Variants in LDB2 observed in about 807,000 individuals in gnomAD.
LDB2 encodes LIM domain-binding protein 2.
In LDB2, 12 loss-of-function variants were observed where a neutral mutation model predicts 44.3. The ratio of observed to expected loss-of-function variants is 0.27; its 90% CI spans 0.17 to 0.44. The LOEUF (loss-of-function observed/expected upper bound fraction) is 0.44. Ranked by LOEUF, LDB2 falls within the 20% of genes least tolerant of loss-of-function variation. The pLI is 1.00. For missense variants in LDB2, 344 were observed against 473.5 expected (o/e 0.73, Z 2.54); for synonymous variants, 164 against 174.8 (o/e 0.94, Z 0.49).
intron 1 of LDB2, among the ~76,000 whole-genome samples, chr4:16,832,778 A>T (rs1784278523): frequency 6.6e-6 from 1 of 152,220 alleles, no homozygotes; most frequent in Admixed American, 6.5e-5. Flanking sequence ...GTAAGTACTA[A>T]GTACCACCAG....
intron 2 of LDB2, among the ~76,000 whole-genome samples, chr4:16,638,962 A>C (rs1241034163): frequency 1.3e-5 from 2 of 152,180 alleles, no homozygotes; most frequent in Non-Finnish European, 2.9e-5. Context: ...TTAAGAGGGA[A>C]ATTTAACATT....
intron 2 of LDB2, among the ~76,000 whole-genome samples, chr4:16,756,963 T>G (rs1261963588): frequency 6.6e-6 from 1 of 151,668 alleles, no homozygotes. Flanking sequence ...GGGATTTTTT[T>G]TTTTTAACAA....
intron 2 of LDB2, among the ~76,000 whole-genome samples, chr4:16,741,133 T>C (rs1432338003): frequency 2.0e-5 from 3 of 152,244 alleles, no homozygotes; most frequent in African/African-American, 7.2e-5. Flanking sequence ...GTTTGTCAGC[T>C]CCAGGGATGG....
rs532148116 is a variant in LDB2 at position 16,645,473 on chromosome 4, C to A, written c.236-49598G>T. Among the ~76,000 whole-genome samples the A allele has an allele frequency of 8.3e-3, 1,223 of 148,132 alleles. 14 individuals are homozygous for A. Among genetic ancestry groups the A allele is most frequent in the African/African-American group, 0.029 (1,171 of 40,218 alleles). On this transcript the variant is annotated intron_variant, in intron 2 of 7. Coordinates refer to ENST00000304523, the MANE Select transcript of LDB2 (RefSeq NM_001290.5). ...AATGGCGTGAACCCGGGAAGCGGAG[C>A]CTGCAGTGAGCCGAGATTGCGCCAC...
At chr4:16,676,516 G>A (rs1746380747) in intron 2 of LDB2, among the ~76,000 whole-genome samples, 1 of 152,238 alleles carries the variant, frequency 6.6e-6, no homozygotes, top group Admixed American at 6.5e-5. Flanking sequence ...AAGGCACAAT[G>A]TCAAGTGCTG....
At chr4:16,552,577 T>A (rs1012908052) in intron 5 of LDB2, among the ~76,000 whole-genome samples, 9 of 152,164 alleles carry the variant, frequency 5.9e-5, no homozygotes, top group Non-Finnish European at 1.3e-4. Flanking sequence ...TTCTCTTTTT[T>A]AATCCCATCC....
chr4:16,736,807 G>T (rs1343250968), intron 2 of LDB2, among the ~76,000 whole-genome samples: 3 of 151,872 alleles, frequency 2.0e-5, no homozygotes, highest in Non-Finnish European at 4.4e-5. Flanking sequence ...ATATCAACAG[G>T]GACCTCTTCA....
intron 1 of LDB2, chr4:16,893,197 C>T (rs1469270476): frequency 3.9e-6 from 1 of 255,006 alleles, no homozygotes; most frequent in African/African-American, 2.3e-5. Flanking sequence ...CCACCCAGCC[C>T]CCTCCCCCAC....
chr4:16,511,391 G>T (rs1230986547), intron 6 of LDB2, among the ~76,000 whole-genome samples: 1 of 152,038 alleles, frequency 6.6e-6, no homozygotes, highest in Non-Finnish European at 1.5e-5. Context: ...GGAAGTGAGG[G>T]AAATGGAATT....
At chr4:16,559,551 C>A (rs989809785) in intron 5 of LDB2, among the ~76,000 whole-genome samples, 3 of 152,152 alleles carry the variant, frequency 2.0e-5, no homozygotes, top group Non-Finnish European at 4.4e-5. Flanking sequence ...TACAGGAGCA[C>A]CCAGATTCAT....
chr4:16,817,949 C>T (rs77150120), intron 1 of LDB2, among the ~76,000 whole-genome samples: 4,024 of 152,150 alleles, frequency 0.026, 188 homozygotes, highest in African/African-American at 0.092. Flanking sequence ...TTTTGGTAGC[C>T]TAAAACAACA....
At chr4:16,591,068 A>C (rs972973295) in intron 3 of LDB2, among the ~76,000 whole-genome samples, 12 of 152,222 alleles carry the variant, frequency 7.9e-5, no homozygotes, top group African/African-American at 2.7e-4. Context: ...AAAACACGAC[A>C]GGGATTTTGG....
At chr4:16,685,564 T>C (rs1166828214) in intron 2 of LDB2, among the ~76,000 whole-genome samples, 1 of 152,110 alleles carries the variant, frequency 6.6e-6, no homozygotes, top group Non-Finnish European at 1.5e-5. Flanking sequence ...AAGGATTAAA[T>C]AAAGTCATGT....
intron 1 of LDB2, among the ~76,000 whole-genome samples, chr4:16,774,214 A>T (rs1771394410): frequency 6.7e-6 from 1 of 149,660 alleles, no homozygotes; most frequent in Admixed American, 6.6e-5. Context: ...CATTCCACGC[A>T]TTCTCCCACA....
At chr4:16,528,567 G>T (rs1204070861) in intron 5 of LDB2, among the ~76,000 whole-genome samples, 1 of 152,210 alleles carries the variant, frequency 6.6e-6, no homozygotes, top group Non-Finnish European at 1.5e-5. Flanking sequence ...GAGGCTGACG[G>T]TAAGCAACCT....
chr4:16,884,596 T>C (rs943180504), intron 1 of LDB2, among the ~76,000 whole-genome samples: 1 of 152,192 alleles, frequency 6.6e-6, no homozygotes, highest in Non-Finnish European at 1.5e-5. Flanking sequence ...CCTTCTCTAA[T>C]TGGCAAATTC....
chr4:16,755,526 TGTGAGAGAGAGAGAGACAGACAGACA>T (rs1329636211), intron 2 of LDB2, among the ~76,000 whole-genome samples: 1 of 35,120 alleles, frequency 2.8e-5, no homozygotes. Flanking sequence ...TGTGTGTGTA[TGTGAGAGAGAGAGAGACAGACAGACA>T]GAGAGAGAGA....
At chr4:16,834,725 G>T (rs915964985) in intron 1 of LDB2, among the ~76,000 whole-genome samples, 7 of 152,090 alleles carry the variant, frequency 4.6e-5, no homozygotes, top group African/African-American at 1.7e-4. Context: ...TACTGGGGAG[G>T]CTGAGGCAGA....
chr4:16,843,165 A>ATG (rs1351358932), intron 1 of LDB2, among the ~76,000 whole-genome samples: 2 of 152,326 alleles, frequency 1.3e-5, no homozygotes, highest in African/African-American at 2.4e-5. Context: ...ACCTTGTTCA[A>ATG]TGTCTATATC....
Sources: gnomAD v4.1 joint callset for allele counts (sites outside exome capture counted in the v4.1 genomes callset) on GRCh38, gnomAD v4.1.1 for gene constraint, MANE v1.5 for transcripts, NCBI Gene and HGNC (gene_info 2026-07-23, HGNC 2026-07-21) for gene names.